The following CEP85 variants were observed in gnomAD, a reference collection of about 807,000 sequenced individuals.
CEP85 encodes centrosomal protein of 85 kDa.
In CEP85, 58 loss-of-function variants were observed where a neutral mutation model predicts 93.7. That is an observed-to-expected ratio of 0.62 (90% CI 0.50 to 0.77). CEP85 has a LOEUF of 0.77. Ranked by LOEUF, CEP85 falls within the 30% of genes least tolerant of loss-of-function variation. CEP85 has a pLI of 0.00. For synonymous variants in CEP85, 314 were observed against 338.6 expected (o/e 0.93, Z 0.80); for missense variants, 868 against 922.0 (o/e 0.94, Z 0.76).
chr1:26,266,089 A>G (rs1302052946), intron 7 of CEP85, among the ~76,000 whole-genome samples: 4 of 151,830 alleles, frequency 2.6e-5, no homozygotes, highest in Non-Finnish European at 4.4e-5. Flanking sequence ...GACACCTGTA[A>G]CCCCAGCTCC....
chr1:26,248,316 A>G (rs2089542757), intron 3 of CEP85, among the ~76,000 whole-genome samples: 1 of 152,214 alleles, frequency 6.6e-6, no homozygotes, highest in South Asian at 2.1e-4. Flanking sequence ...TCAGTGGTCT[A>G]GATTTTTCCC....
intron 6 of CEP85, among the ~76,000 whole-genome samples, chr1:26,258,895 A>G (rs1019886625): frequency 3.3e-5 from 5 of 151,984 alleles, no homozygotes; most frequent in African/African-American, 1.2e-4. Flanking sequence ...GCACCCGGGC[A>G]TTCTCATTTT....
intron 3 of CEP85, chr1:26,254,858 A>G: frequency 3.2e-6 from 1 of 312,112 alleles, no homozygotes; most frequent in South Asian, 8.0e-5. Context: ...TAAAGTTTAA[A>G]TTTTTTAAAA....
chr1:26,243,217 C>T (rs929348234), intron 2 of CEP85, among the ~76,000 whole-genome samples: 3 of 150,318 alleles, frequency 2.0e-5, no homozygotes, highest in African/African-American at 7.4e-5. Context: ...ACTGCAACCT[C>T]GAAGCAATGA....
intron 9 of CEP85, among the ~76,000 whole-genome samples, chr1:26,270,102 T>C (rs2089953012): frequency 6.6e-6 from 1 of 152,168 alleles, no homozygotes; most frequent in East Asian, 1.9e-4. Context: ...ATCTTTGGCA[T>C]GGAGTATGGA....
At chr1:26,275,320 C>T (rs1014521219) in intron 12 of CEP85, among the ~76,000 whole-genome samples, 15 of 148,076 alleles carry the variant, frequency 1.0e-4, no homozygotes, top group African/African-American at 3.8e-4. Context: ...CTTGCTCTGT[C>T]GCCAGGCTAG....
chr1:26,277,097 A>G (rs1349704023), intron 13 of CEP85, 39 bp from the exon 14 acceptor site: 3 of 1,599,748 alleles, frequency 1.9e-6, no homozygotes, highest in African/African-American at 1.3e-5. Context: ...AAAATGTCTC[A>G]TAACTAACAT....
At chr1:26,242,476 C>A (rs922458050) in intron 2 of CEP85, among the ~76,000 whole-genome samples, 1 of 152,182 alleles carries the variant, frequency 6.6e-6, no homozygotes, top group Non-Finnish European at 1.5e-5. Context: ...TATAAAGATT[C>A]TTTCAAATCA....
intron 4 of CEP85, among the ~76,000 whole-genome samples, chr1:26,256,928 G>GTGTGTGTGTGTGT (rs199539021): frequency 0.068 from 7,605 of 111,296 alleles, 443 homozygotes; most frequent in Middle Eastern, 0.1. Context: ...GTTTTGTTTT[G>GTGTGTGTGTGTGT]GTGTGTGTGT....
chr1:26,252,141 G>A (rs920600393), intron 3 of CEP85, among the ~76,000 whole-genome samples: 2 of 152,144 alleles, frequency 1.3e-5, no homozygotes, highest in African/African-American at 2.4e-5. Flanking sequence ...TGAGGCAGAA[G>A]AGTCGCTTGA....
rs978039731 is a variant in CEP85, at chr1:26,269,441, A to G, written c.1495-19A>G. 4.3e-6 allele frequency: 7 copies of G among 1,612,332 alleles called. No individual in the cohort carries two copies. Among genetic ancestry groups the G allele is most frequent in the Non-Finnish European group, 5.9e-6 (7 of 1,178,712 alleles). On this transcript the variant is annotated intron_variant, in intron 8 of 13. Coordinates refer to ENST00000451429, the MANE Select transcript of CEP85 (RefSeq NM_001319944.2). Reference sequence around the variant, plus strand: ...AACACTTGGCTTATTTGACCTAAACATGGGATCCTGTCTCTCAGCTTAAGG... The same window carrying G: ...AACACTTGGCTTATTTGACCTAAACGTGGGATCCTGTCTCTCAGCTTAAGG...
chr1:26,243,790 G>A (rs2089464221), intron 2 of CEP85, among the ~76,000 whole-genome samples: 2 of 152,068 alleles, frequency 1.3e-5, no homozygotes, highest in Admixed American at 6.6e-5. Flanking sequence ...ATGAGATCAG[G>A]AGTTCAAGAC....
rs2089973022 is a variant in CEP85 at position 26,271,340 on chromosome 1, A to T, written c.1743+233A>T. 5.5e-5 allele frequency: 24 copies of T among 437,980 alleles called. 1 individual carries two copies. In the South Asian group the frequency reaches 6.0e-4, roughly 11 times the overall value. 27.1% of individuals were successfully genotyped at this position (437,980 alleles called of 1,614,324 possible). The stretch of plus-strand genomic sequence containing the variant: ...ATAGGCAAAAGTAAGAGGAGGGGTG[A>T]TATGCCTCTGAATATCTAGATTAGA... On this transcript the variant is annotated intron_variant, in intron 10 of 13. Coordinates refer to ENST00000451429, the MANE Select transcript of CEP85 (RefSeq NM_001319944.2).
intron 2 of CEP85, 141 bp from the exon 3 acceptor site, chr1:26,244,025 G>T: frequency 3.8e-6 from 2 of 524,320 alleles, no homozygotes; most frequent in East Asian, 3.7e-5. Context: ...AAACTAGATC[G>T]GAGCAGCTGA....
intron 11 of CEP85, 142 bp from the exon 12 acceptor site, chr1:26,274,822 A>G (rs1488602478): frequency 3.1e-6 from 2 of 648,244 alleles, no homozygotes; most frequent in Non-Finnish European, 5.4e-6. Context: ...GAGGTCACAA[A>G]TCAGGACTGT....
chr1:26,257,726 G>A lies in CEP85; in HGVS notation c.1033G>A (p.Asp345Asn), dbSNP rs937282697. The change falls in exon 5 of 14, where the codon GAC becomes AAC. Residue 345 changes from aspartate to asparagine, a missense_variant. By Grantham distance (23) the Asp-to-Asn change is conservative. Transcript: ENST00000451429. ...TCTGAAGGAAAAAGAGCTTCTCATT[G>A]ACAAGTAAGAGGGCAAGGGGTACCA... is the stretch of plus-strand genomic sequence containing the variant. ...HLLKEKELLI[D>N]KQRKHISQLE... 1.2e-6 allele frequency: 2 copies of A among 1,613,910 alleles called. No individual in the cohort carries two copies. The highest frequency in any genetic ancestry group is 2.7e-5 in the African/African-American group (2 of 74,902).
At chr1:26,269,645 G>C (rs758283686) in intron 9 of CEP85, 31 bp downstream of exon 9, 2 of 1,587,772 alleles carry the variant, frequency 1.3e-6, no homozygotes. Context: ...GAGAGGAGTG[G>C]AGAGTTAAGT....
chr1:26,244,597 G>A (rs1439798298), intron 3 of CEP85, among the ~76,000 whole-genome samples: 2 of 152,050 alleles, frequency 1.3e-5, no homozygotes, highest in Non-Finnish European at 2.9e-5. Flanking sequence ...CATGATCATA[G>A]CTCGCTGCAG....
At chr1:26,265,663 G>A (rs1306574186) in intron 7 of CEP85, among the ~76,000 whole-genome samples, 2 of 152,150 alleles carry the variant, frequency 1.3e-5, no homozygotes, top group African/African-American at 4.8e-5. Flanking sequence ...CAGTTCAGAG[G>A]CTCTTGAGAA....
Sources: allele counts gnomAD v4.1 joint callset (sites outside exome capture counted in the v4.1 genomes callset), GRCh38; gene constraint gnomAD v4.1.1; transcripts MANE v1.5; gene names NCBI Gene and HGNC (gene_info 2026-07-23, HGNC 2026-07-21).